Variants in PSD3 observed in about 807,000 individuals in gnomAD.
PSD3 encodes pleckstrin and Sec7 domain containing 3, also known as PH and SEC7 domain-containing protein 3.
In PSD3, 49 loss-of-function variants were observed where a neutral mutation model predicts 105.5. The observed-to-expected ratio is 0.46, with a 90% CI of 0.37 to 0.59. PSD3 has a LOEUF of 0.59. Ranked by LOEUF, PSD3 falls within the 20% of genes least tolerant of loss-of-function variation. The pLI, the probability that PSD3 is intolerant of heterozygous loss-of-function variation, is 0.00. For missense variants in PSD3, 1,561 were observed against 1,263.8 expected, an observed-to-expected ratio of 1.24 and a Z score of -3.57; for synonymous variants, 557 against 457.8, an observed-to-expected ratio of 1.22 and a Z score of -2.77.
At position 18,532,049 on chromosome 8, in the gene PSD3, G is replaced by T. The variant is rs1799654388; in HGVS notation, c.*3694C>A. 6.6e-6 allele frequency: 1 copy of T among 152,134 alleles called. No individual in the cohort carries two copies. Among genetic ancestry groups the T allele is most frequent in the African/African-American group, 2.4e-5 (1 of 41,414 alleles). The allele number at this position is 152,134 out of a possible 1,614,324, so 9.4% of individuals were successfully genotyped here. A position where few individuals can be genotyped will look rare whatever the true frequency, so the allele number is the denominator to read the frequency against. On this transcript the variant is annotated 3_prime_UTR_variant, in exon 16 of 16. Coordinates refer to ENST00000327040, the MANE Select transcript of PSD3 (RefSeq NM_015310.4). ...AAGGACAATTAATGAAACCCAAAAG[G>T]TTTTGTTAGTAAGACAATGGAGAAA...
At chr8:18,825,877 G>A (rs1366885368) in intron 4 of PSD3, among the ~76,000 whole-genome samples, 1 of 152,142 alleles carries the variant, frequency 6.6e-6, no homozygotes, top group African/African-American at 2.4e-5. Flanking sequence ...ACAGCAAAAA[G>A]GTCCTGGGAT....
intron 9 of PSD3, among the ~76,000 whole-genome samples, chr8:18,684,687 A>G (rs1383786097): frequency 6.6e-6 from 1 of 152,230 alleles, no homozygotes; most frequent in Admixed American, 6.5e-5. Context: ...GTCAGTGTGT[A>G]CGGCAAATCC....
At chr8:18,691,838 A>G (rs1236089747) in intron 9 of PSD3, among the ~76,000 whole-genome samples, 16 of 152,198 alleles carry the variant, frequency 1.1e-4, no homozygotes, top group Non-Finnish European at 2.9e-5. Context: ...ATTATTCTCT[A>G]AGTAAAAAAC....
intron 1 of PSD3, among the ~76,000 whole-genome samples, chr8:19,019,178 T>C (rs1276567601): frequency 1.3e-5 from 2 of 152,102 alleles, no homozygotes; most frequent in East Asian, 3.9e-4. Flanking sequence ...AAAACAGAGA[T>C]GGAAGGAATC....
At chr8:18,810,740 C>T (rs1811617863) in intron 4 of PSD3, among the ~76,000 whole-genome samples, 1 of 152,034 alleles carries the variant, frequency 6.6e-6, no homozygotes, top group Non-Finnish European at 1.5e-5. Context: ...AGAAGAATCT[C>T]AAGGAGTGAG....
chr8:18,814,640 T>C (rs1812048772), intron 4 of PSD3, among the ~76,000 whole-genome samples: 1 of 152,226 alleles, frequency 6.6e-6, no homozygotes. Context: ...TTACTGGATA[T>C]CCAGCTTTAG....
At chr8:18,929,790 A>T (rs1821615944) in intron 2 of PSD3, among the ~76,000 whole-genome samples, 1 of 152,102 alleles carries the variant, frequency 6.6e-6, no homozygotes, top group Non-Finnish European at 1.5e-5. Context: ...GATGAAGCAA[A>T]AATCCAGGAA....
intron 15 of PSD3, among the ~76,000 whole-genome samples, chr8:18,536,900 T>G (rs563255953): frequency 6.6e-6 from 1 of 152,212 alleles, no homozygotes; most frequent in Non-Finnish European, 1.5e-5. Context: ...GAAGAATTTA[T>G]AGAAAGCTTA....
intron 9 of PSD3, among the ~76,000 whole-genome samples, chr8:18,678,734 T>G (rs1800209815): frequency 6.6e-6 from 1 of 151,960 alleles, no homozygotes; most frequent in African/African-American, 2.4e-5. Flanking sequence ...ATCGCTCGAA[T>G]CTGGGAGGCA....
intron 1 of PSD3, among the ~76,000 whole-genome samples, chr8:19,058,663 A>T (rs1828789088): frequency 6.6e-6 from 1 of 152,014 alleles, no homozygotes; most frequent in East Asian, 1.9e-4. Context: ...TTTTCCCTAA[A>T]TTGGGTGATT....
chr8:18,872,015 TC>T lies in PSD3; in HGVS notation c.848del (p.Gly283AspfsTer38), dbSNP rs1340160396. On this transcript the variant is annotated frameshift_variant, in exon 3 of 16. Transcript: ENST00000327040. LOFTEE classifies it high-confidence loss of function. ...RSALGREHPG[G>X]CDRSSSMGRP... ...GTCCCATGGAGCTGCTTCGATCACA[TC>T]CCCCTGGGTGCTCTCTCCCAAGAGC... The T allele has an allele frequency of 6.2e-7, 1 of 1,614,068 alleles. No homozygotes were observed. The highest frequency in any genetic ancestry group is 8.5e-7 in the Non-Finnish European group (1 of 1,180,006).
chr8:18,895,079 G>T (rs1819055089), intron 2 of PSD3, among the ~76,000 whole-genome samples: 2 of 152,164 alleles, frequency 1.3e-5, no homozygotes, highest in Non-Finnish European at 2.9e-5. Flanking sequence ...CAGGAATCCT[G>T]CACTGAGGAC....
At chr8:18,629,064 C>T (rs934194470) in intron 11 of PSD3, among the ~76,000 whole-genome samples, 2 of 151,734 alleles carry the variant, frequency 1.3e-5, no homozygotes, top group African/African-American at 4.8e-5. Context: ...ATTTTAAAGA[C>T]ACAACCATAA....
At chr8:19,054,189 A>G (rs1411809143) in intron 1 of PSD3, among the ~76,000 whole-genome samples, 2 of 152,194 alleles carry the variant, frequency 1.3e-5, no homozygotes, top group Non-Finnish European at 2.9e-5. Context: ...TGATGGAGTC[A>G]TGTAAGTGAG....
chr8:18,759,972 G>A (rs1249373383), intron 9 of PSD3, among the ~76,000 whole-genome samples: 1 of 150,704 alleles, frequency 6.6e-6, no homozygotes, highest in Non-Finnish European at 1.5e-5. Flanking sequence ...GAGCAGATTC[G>A]ATAGAAGATA....
intron 9 of PSD3, among the ~76,000 whole-genome samples, chr8:18,660,680 A>G (rs975813839): frequency 1.3e-5 from 2 of 152,210 alleles, no homozygotes; most frequent in Non-Finnish European, 2.9e-5. Flanking sequence ...TCCTTGGACG[A>G]GGAAACTGCA....
At chr8:18,921,908 T>C (rs908502632) in intron 2 of PSD3, among the ~76,000 whole-genome samples, 4 of 152,234 alleles carry the variant, frequency 2.6e-5, no homozygotes, top group Admixed American at 2.0e-4. Context: ...ACACTCAGTG[T>C]TGGCATTCCT....
At chr8:18,589,702 T>C (rs2130026) in intron 12 of PSD3, among the ~76,000 whole-genome samples, 67,542 of 152,012 alleles carry the variant, frequency 0.44, 15,187 homozygotes, top group South Asian at 0.58. Context: ...GATCCAGCCA[T>C]CAAAGTGGCA....
intron 8 of PSD3, among the ~76,000 whole-genome samples, chr8:18,773,395 A>T (rs1452355536): frequency 1.3e-5 from 2 of 152,130 alleles, no homozygotes; most frequent in Non-Finnish European, 2.9e-5. Flanking sequence ...TAGCTTTGTA[A>T]TATGTTTAAA....
Sources: gnomAD v4.1 joint callset for allele counts (sites outside exome capture counted in the v4.1 genomes callset) on GRCh38, gnomAD v4.1.1 for gene constraint, MANE v1.5 for transcripts, NCBI Gene and HGNC (gene_info 2026-07-23, HGNC 2026-07-21) for gene names.